Variants in LRSAM1 observed in about 807,000 individuals in gnomAD.
The protein encoded by LRSAM1 is leucine rich repeat and sterile alpha motif containing 1.
A neutral mutation model predicts 118.1 loss-of-function variants in LRSAM1; 96 were observed. The observed-to-expected ratio is 0.81, with a 90% CI of 0.69 to 0.96. The LOEUF (loss-of-function observed/expected upper bound fraction) is 0.96, where lower values mean the gene tolerates loss of function less well. Among genes scored for constraint, LRSAM1 ranks in the 40% least tolerant of loss-of-function variants. The probability of loss-of-function intolerance (pLI) is 0.00; values close to 1 mark genes in which losing one functional copy is unlikely to be tolerated. For synonymous variants in LRSAM1, 322 were observed against 364.2 expected, an observed-to-expected ratio of 0.88 and a Z score of 1.32; for missense variants, 804 against 915.5, an observed-to-expected ratio of 0.88 and a Z score of 1.57.
chr9:127,484,980 G>A (rs911407347), intron 16 of LRSAM1, among the ~76,000 whole-genome samples: 1 of 151,424 alleles, frequency 6.6e-6, no homozygotes, highest in South Asian at 2.1e-4. Context: ...GCTAATTTTT[G>A]TATTTTTAGT....
chr9:127,457,474 C>A, intron 6 of LRSAM1, 81 bp downstream of exon 6: 1 of 1,314,020 alleles, frequency 7.6e-7, no homozygotes, highest in Non-Finnish European at 1.1e-6. Flanking sequence ...TTTTGGGCTG[C>A]CTCTTGCATG....
intron 15 of LRSAM1, 28 bp downstream of exon 15, chr9:127,481,255 A>ATT (rs371152397): frequency 8.1e-4 from 1,198 of 1,484,764 alleles, no homozygotes; most frequent in African/African-American, 2.4e-3. Context: ...GGAGGGCAGC[A>ATT]TTTTTTTTTT....
At chr9:127,462,874 G>T (rs1193690769) in intron 9 of LRSAM1, among the ~76,000 whole-genome samples, 5 of 151,914 alleles carry the variant, frequency 3.3e-5, no homozygotes, top group Non-Finnish European at 5.9e-5. Context: ...AAAAAGTTGT[G>T]ATATTCAAGC....
chr9:127,464,136 A>G (rs1368324944), intron 9 of LRSAM1, among the ~76,000 whole-genome samples: 1 of 152,238 alleles, frequency 6.6e-6, no homozygotes, highest in Non-Finnish European at 1.5e-5. Flanking sequence ...CCTGCTGAGC[A>G]GAGGTGTCTG....
At position 127,494,547 on chromosome 9, in the gene LRSAM1, C is replaced by T. The variant is rs971968729; in HGVS notation, c.1600-773C>T. ...CATGGCACTGTGAACATGTCAGCTA[C>T]GCCTGTTGTCACCGTGGCTGTTATC... On this transcript the variant is annotated intron_variant, in intron 21 of 25. Transcript: ENST00000300417. 3.3e-5 allele frequency among the ~76,000 whole-genome samples: 5 copies of T among 152,270 alleles called. No individual in the cohort carries two copies. In the South Asian group the frequency reaches 6.2e-4, roughly 19 times the overall value.
intron 19 of LRSAM1, among the ~76,000 whole-genome samples, chr9:127,489,880 G>A (rs1408206344): frequency 6.6e-6 from 1 of 152,248 alleles, no homozygotes; most frequent in African/African-American, 2.4e-5. Flanking sequence ...GCCGGCGCAG[G>A]CCCCAGCGCT....
At chr9:127,456,551 G>A (rs548993529) in intron 5 of LRSAM1, among the ~76,000 whole-genome samples, 50 of 151,844 alleles carry the variant, frequency 3.3e-4, no homozygotes, top group Non-Finnish European at 4.0e-4. Flanking sequence ...GTGTTGGGCC[G>A]CAGTCAATGC....
Position 127,470,301 on chromosome 9 carries a change from C to A in LRSAM1, c.619+2471C>A, listed in dbSNP as rs1336318450. On this transcript the variant is annotated intron_variant, in intron 10 of 25. Coordinates refer to ENST00000300417, the MANE Select transcript of LRSAM1 (RefSeq NM_001005373.4). Reference sequence around the variant, plus strand: ...AAACTTACAGTCATGGTGGAAGGCACCTCTTCACAGGGCAGCAGGAGAGAG... The same window carrying A: ...AAACTTACAGTCATGGTGGAAGGCAACTCTTCACAGGGCAGCAGGAGAGAG... Among the ~76,000 whole-genome samples, 3 of 152,046 alleles carry A rather than the reference C, an allele frequency of 2.0e-5. 1 individual carries two copies.
At chr9:127,492,715 G>T in intron 20 of LRSAM1, 87 bp from the exon 21 acceptor site, 1 of 1,241,412 alleles carries the variant, frequency 8.1e-7, no homozygotes, top group East Asian at 2.5e-5. Context: ...GAGTGAGCGG[G>T]AGGCCAGGCC....
At chr9:127,456,692 G>A (rs1235960940) in intron 5 of LRSAM1, among the ~76,000 whole-genome samples, 2 of 151,902 alleles carry the variant, frequency 1.3e-5, no homozygotes, top group Non-Finnish European at 2.9e-5. Context: ...GTGAAACCCG[G>A]TCTCTACCAA....
intron 5 of LRSAM1, among the ~76,000 whole-genome samples, chr9:127,456,710 A>T (rs1195086099): frequency 1.3e-5 from 2 of 152,090 alleles, no homozygotes; most frequent in Non-Finnish European, 2.9e-5. Context: ...CAAAAATAAA[A>T]AAAAAATCAG....
In LRSAM1 at chr9:127,479,418, G is replaced by A; in HGVS notation, c.816G>A (p.Arg272=). 1 of 1,614,172 alleles carries A rather than the reference G, an allele frequency of 6.2e-7. No individual in the cohort carries two copies. The stretch of plus-strand genomic sequence containing the variant: ...TGCTGGAGAAACTCGAGTTTGAACG[G>A]CGCCTGGAACTGGGGCAGCGGGAGC... The part of the protein sequence containing the change: ...QKMLEKLEFE[R]RLELGQREHT... The change falls in exon 13 of 26, where the codon CGG becomes CGA. Residue 272 remains arginine (R), a synonymous_variant. Coordinates refer to ENST00000300417, the MANE Select transcript of LRSAM1 (RefSeq NM_001005373.4).
At chr9:127,457,779 A>G (rs1834574393) in intron 6 of LRSAM1, among the ~76,000 whole-genome samples, 1 of 152,160 alleles carries the variant, frequency 6.6e-6, no homozygotes, top group Non-Finnish European at 1.5e-5. Context: ...GGCATTCACA[A>G]CATGTGGGAG....
chr9:127,488,654 T>C (rs1226154509), intron 18 of LRSAM1, among the ~76,000 whole-genome samples: 1 of 151,672 alleles, frequency 6.6e-6, no homozygotes, highest in Non-Finnish European at 1.5e-5. Context: ...AGTGAAGTGA[T>C]GTGATCACAG....
At position 127,461,223 on chromosome 9, in the gene LRSAM1, G is replaced by A. The variant is rs1195797789; in HGVS notation, c.372G>A (p.Gly124=). 6.2e-7 allele frequency: 1 copy of A among 1,612,416 alleles called. No individual in the cohort carries two copies. The highest frequency in any genetic ancestry group is 1.1e-5 in the South Asian group (1 of 91,054). Residue 124 remains glycine, a synonymous_variant, in exon 8 of 26, where the codon GGG becomes GGA. Coordinates refer to ENST00000300417, the MANE Select transcript of LRSAM1 (RefSeq NM_001005373.4). ...TGATGCAGCTCCCACGTTCCATTGG[G>A]AACCTGACCCAGCTCCAGACTCTCA... ...NQLMQLPRSI[G]NLTQLQTLNV... is the part of the protein sequence containing the mutation.
At position 127,501,155 on chromosome 9, in the gene LRSAM1, G is replaced by GGC; in HGVS notation, c.2046+12_2046+13insGC. The GGC allele has an allele frequency of 6.2e-7, 1 of 1,608,076 alleles. No homozygotes were observed. The highest frequency in any genetic ancestry group is 1.7e-5 in the Admixed American group (1 of 59,172). On this transcript the variant is annotated intron_variant, in intron 25 of 25. Transcript: ENST00000300417. ...GCCTGGAACGGGAGGTAAGTCCGGG[G>GGC]CCCTCCCCACCCGCCTGCCCTGCCT...
intron 9 of LRSAM1, among the ~76,000 whole-genome samples, chr9:127,462,751 G>A (rs946805081): frequency 6.6e-5 from 10 of 151,364 alleles, no homozygotes; most frequent in African/African-American, 1.5e-4. Flanking sequence ...GTGATGGGAC[G>A]ATCTGTGCAG....
chr9:127,451,494 C>T (rs1834319778), upstream of LRSAM1: 2 of 716,686 alleles, frequency 2.8e-6, no homozygotes, highest in African/African-American at 3.6e-5. Flanking sequence ...CCAGAGACGC[C>T]CTTGTCGCCA....
At chr9:127,494,235 C>T (rs563244356) in intron 21 of LRSAM1, among the ~76,000 whole-genome samples, 4 of 152,362 alleles carry the variant, frequency 2.6e-5, no homozygotes, top group East Asian at 1.9e-4. Context: ...GAGCAGTGGG[C>T]GTGGCCAGGT....
Sources: gnomAD v4.1 joint callset for allele counts (sites outside exome capture counted in the v4.1 genomes callset) on GRCh38, gnomAD v4.1.1 for gene constraint, MANE v1.5 for transcripts, NCBI Gene and HGNC (gene_info 2026-07-23, HGNC 2026-07-21) for gene names.